NF1: variants seen among roughly 807,000 people sequenced by gnomAD.
NF1 encodes the protein neurofibromin 1, also known as neurofibromin.
NF1 carries 122 observed loss-of-function variants against 325.7 expected under a neutral mutation model. The ratio of observed to expected loss-of-function variants is 0.37; its 90% CI spans 0.32 to 0.44. The LOEUF (loss-of-function observed/expected upper bound fraction) is 0.44, where lower values mean the gene tolerates loss of function less well. Among genes scored for constraint, NF1 ranks in the 20% least tolerant of loss-of-function variants. NF1 has a pLI of 1.00. For synonymous variants in NF1, 1,091 were observed against 1,186.0 expected, an observed-to-expected ratio of 0.92 and a Z score of 1.65; for missense variants, 2,140 against 3,415.4, an observed-to-expected ratio of 0.63 and a Z score of 9.31.
chr17:31,219,082 G>T lies in NF1; in HGVS notation c.1605G>T (p.Gln535His). ...CAGGGCTCGTCCAACTGGTCCCTCA[G>T]TCACACATGCCAGAGATTGCTCAGG... ...LITGLVQLVP[Q>H]SHMPEIAQEA... The change falls in exon 14 of 58, where the codon CAG becomes CAT. Residue 535 changes from glutamine to histidine, a missense_variant. By Grantham distance (24) the Gln-to-His change is conservative (BLOSUM62 0). Around this residue, in one of 10 missense-constraint regions of NF1, gnomAD observed 179 missense variants for 381.0 expected, o/e 0.47. Transcript: ENST00000358273. The T allele has an allele frequency of 6.2e-7, 1 of 1,613,818 alleles. No homozygotes were observed. The highest frequency in any genetic ancestry group is 1.1e-5 in the South Asian group (1 of 91,000).
In NF1 at chr17:31,095,129, CTCT is replaced by C; in HGVS notation, c.-180_-178del. ...GCCTCCTTGCCAACGCCCCCTTTCCCTCTCCCCCTCCCGCTCGGCGCTGACCCC... is the reference window on the plus strand; with the variant it reads ...GCCTCCTTGCCAACGCCCCCTTTCCCCCCCCTCCCGCTCGGCGCTGACCCC... On this transcript the variant is annotated 5_prime_UTR_variant, in exon 1 of 58. Coordinates refer to ENST00000358273, the MANE Select transcript of NF1 (RefSeq NM_001042492.3). The C allele has an allele frequency of 2.5e-6, 1 of 395,012 alleles. No homozygotes were observed. The allele number at this position is 395,012 out of a possible 1,614,324, so 24.5% of individuals were successfully genotyped here.
chr17:31,243,213 T>TGTGTG (rs57229549), intron 29 of NF1, among the ~76,000 whole-genome samples: 4 of 150,850 alleles, frequency 2.7e-5, no homozygotes, highest in Non-Finnish European at 4.4e-5. Flanking sequence ...TGTGTGTGTG[T>TGTGTG]TGAGCTGCCT....
chr17:31,335,290 A>ACATATATATATATG lies in NF1; in HGVS notation c.6006+259_6006+260insCATATATATATATG. On this transcript the variant is annotated intron_variant, in intron 40 of 57. Transcript: ENST00000358273. ...AAGGCATAATTATATATATATATAT[A>ACATATATATATATG]TATATAATTATGCCTTGAAGGAGAC... Among the ~76,000 whole-genome samples the ACATATATATATATG allele has an allele frequency of 2.8e-5, 2 of 71,652 alleles. 1 individual carries two copies. Among genetic ancestry groups the ACATATATATATATG allele is most frequent in the East Asian group, 6.7e-4 (2 of 2,986 alleles). 47.0% of individuals were successfully genotyped at this position (71,652 alleles called of 152,430 possible).
intron 36 of NF1, among the ~76,000 whole-genome samples, chr17:31,286,056 A>G (rs548792341): frequency 1.3e-5 from 2 of 152,268 alleles, no homozygotes; most frequent in African/African-American, 4.8e-5. Flanking sequence ...ACTAACTTCA[A>G]GTGATTCCTT....
intron 36 of NF1, among the ~76,000 whole-genome samples, chr17:31,322,278 A>G (rs899310199): frequency 6.6e-5 from 10 of 151,974 alleles, no homozygotes; most frequent in African/African-American, 2.4e-4. Context: ...CCAGGAGTTC[A>G]AGACCAGCCT....
In NF1 at chr17:31,219,064, C is replaced by G. The variant is rs786203041; in HGVS notation, c.1587C>G (p.Leu529=). Residue 529 remains leucine, a synonymous_variant, in exon 14 of 58, where the codon CTC becomes CTG. Coordinates refer to ENST00000358273, the MANE Select transcript of NF1 (RefSeq NM_001042492.3). ...QGSTAELITG[L]VQLVPQSHMP... is the part of the protein sequence containing the mutation. ...GTACAGCAGAATTAATTACAGGGCT[C>G]GTCCAACTGGTCCCTCAGTCACACA... 6.2e-7 allele frequency: 1 copy of G among 1,613,800 alleles called. No homozygotes were observed. The highest frequency in any genetic ancestry group is 8.5e-7 in the Non-Finnish European group (1 of 1,179,894).
intron 36 of NF1, among the ~76,000 whole-genome samples, chr17:31,313,479 G>A (rs1404434536): frequency 6.6e-6 from 1 of 151,958 alleles, no homozygotes; most frequent in African/African-American, 2.4e-5. Flanking sequence ...GGAGGTAAGC[G>A]GATCACCCAA....
chr17:31,337,031 C>A, intron 42 of NF1, 117 bp downstream of exon 42: 3 of 1,052,596 alleles, frequency 2.9e-6, no homozygotes, highest in Non-Finnish European at 4.2e-6. Context: ...CTAATTTAAG[C>A]CTCCAGTAAT....
chr17:31,097,644 T>G, intron 1 of NF1, among the ~76,000 whole-genome samples: 1 of 152,178 alleles, frequency 6.6e-6, no homozygotes. Context: ...AAAACAGCAT[T>G]TTTCTGCATT....
chr17:31,351,271 A>T (rs1275230850), intron 50 of NF1, among the ~76,000 whole-genome samples: 1 of 152,200 alleles, frequency 6.6e-6, no homozygotes, highest in East Asian at 1.9e-4. Flanking sequence ...CAACATAACT[A>T]CAGTTAATGT....
chr17:31,121,395 C>CTT (rs71142019), intron 1 of NF1, among the ~76,000 whole-genome samples: 1,860 of 92,432 alleles, frequency 0.02, 100 homozygotes, highest in African/African-American at 0.066. Flanking sequence ...AATCACTATT[C>CTT]TTTTTTTTTT....
rs2151601823 is a variant in NF1, at chr17:31,374,202, A to G, written c.*47A>G. 4.3e-6 allele frequency: 7 copies of G among 1,612,374 alleles called. No individual in the cohort carries two copies. The highest frequency in any genetic ancestry group is 5.9e-6 in the Non-Finnish European group (7 of 1,178,676). ...AAAATCAACTTAACATGGGCTCTTC[A>G]CTAGTGACCCCTTCCCTGTCCTTGC... On this transcript the variant is annotated 3_prime_UTR_variant, in exon 58 of 58. Transcript: ENST00000358273.
chr17:31,295,447 T>C (rs748690016), intron 36 of NF1: 5 of 1,614,046 alleles, frequency 3.1e-6, no homozygotes, highest in Non-Finnish European at 1.7e-6. Context: ...TGGGTTGAGT[T>C]ACCACACTCA....
intron 17 of NF1, 99 bp from the exon 18 acceptor site, chr17:31,226,318 GACACACACACACACACAC>G (rs59547221): frequency 2.2e-5 from 15 of 689,956 alleles, no homozygotes; most frequent in East Asian, 1.9e-4. Context: ...TGTATGCGGA[GACACACACACACACACAC>G]ACACACACAC....
intron 36 of NF1, chr17:31,314,315 C>T (rs2068965537): frequency 1.7e-5 from 4 of 238,366 alleles, no homozygotes; most frequent in South Asian, 3.5e-4. Flanking sequence ...GATGGAGTCC[C>T]GAAGAGAAAA....
At chr17:31,363,153 A>G (rs980115357) in intron 57 of NF1, among the ~76,000 whole-genome samples, 5 of 151,970 alleles carry the variant, frequency 3.3e-5, no homozygotes, top group African/African-American at 1.2e-4. Context: ...TCTTCCTGTC[A>G]CTCAATTGTG....
At chr17:31,303,578 G>A (rs2068625566) in intron 36 of NF1, among the ~76,000 whole-genome samples, 1 of 151,824 alleles carries the variant, frequency 6.6e-6, no homozygotes, top group Admixed American at 6.6e-5. Flanking sequence ...TTTTGTTTGG[G>A]TGTTTATAAA....
chr17:31,356,327 G>A, intron 51 of NF1, 133 bp from the exon 52 acceptor site: 1 of 825,068 alleles, frequency 1.2e-6, no homozygotes, highest in East Asian at 2.6e-5. Context: ...CTGCTCCAGG[G>A]ATGTATTAGA....
intron 1 of NF1, among the ~76,000 whole-genome samples, chr17:31,111,532 A>C (rs1401294468): frequency 6.6e-6 from 1 of 152,200 alleles, no homozygotes; most frequent in Non-Finnish European, 1.5e-5. Context: ...CACTGTGTTC[A>C]AAGGAACGAT....
Sources: allele counts gnomAD v4.1 joint callset (sites outside exome capture counted in the v4.1 genomes callset), GRCh38; gene constraint gnomAD v4.1.1; regional missense constraint gnomAD v4.1.1; transcripts MANE v1.5; gene names NCBI Gene and HGNC (gene_info 2026-07-23, HGNC 2026-07-21).